Variants in COL9A1 observed in about 807,000 individuals in gnomAD.
The protein encoded by COL9A1 is collagen alpha-1(IX) chain.
In COL9A1, 104 loss-of-function variants were observed where a neutral mutation model predicts 142.6. That is an observed-to-expected ratio of 0.73 (90% CI 0.62 to 0.86). The LOEUF is 0.86. Ranked by LOEUF, COL9A1 falls within the 40% of genes least tolerant of loss-of-function variation. The pLI, the probability that COL9A1 is intolerant of heterozygous loss-of-function variation, is 0.00. For missense variants in COL9A1, 1,210 were observed against 1,176.6 expected, an observed-to-expected ratio of 1.03 and a Z score of -0.42; for synonymous variants, 466 against 396.0, an observed-to-expected ratio of 1.18 and a Z score of -2.10.
chr6:70,232,457 A>G, intron 36 of COL9A1, 126 bp downstream of exon 36: 1 of 1,104,014 alleles, frequency 9.1e-7, no homozygotes, highest in Non-Finnish European at 1.4e-6. Context: ...TATTGAAAAG[A>G]GAATAATACA....
intron 5 of COL9A1, 44 bp downstream of exon 5, chr6:70,294,123 C>G: frequency 6.2e-7 from 1 of 1,610,258 alleles, no homozygotes; most frequent in South Asian, 1.1e-5. Flanking sequence ...TTTTACCAAT[C>G]TAGTTTTGCT....
At chr6:70,261,910 T>C (rs1297580918) in intron 19 of COL9A1, among the ~76,000 whole-genome samples, 1 of 152,180 alleles carries the variant, frequency 6.6e-6, no homozygotes, top group Non-Finnish European at 1.5e-5. Flanking sequence ...TACTTTATAT[T>C]TGTGCATGTA....
intron 20 of COL9A1, among the ~76,000 whole-genome samples, chr6:70,259,286 C>T (rs539330447): frequency 1.5e-4 from 23 of 152,192 alleles, no homozygotes; most frequent in African/African-American, 4.1e-4. Context: ...TAATAAAAGG[C>T]TCTGTGCTGC....
At chr6:70,263,391 T>A in intron 18 of COL9A1, 94 bp from the exon 19 acceptor site, 2 of 1,052,422 alleles carry the variant, frequency 1.9e-6, no homozygotes, top group Admixed American at 2.4e-5. Flanking sequence ...ATGTTTTAAG[T>A]TAACTTGGTG....
intron 6 of COL9A1, chr6:70,283,187 C>A (rs1773283672): frequency 1.3e-5 from 19 of 1,484,370 alleles, no homozygotes; most frequent in South Asian, 1.2e-4. Context: ...GTTGCCAAAG[C>A]GTCCAGGCCC....
At chr6:70,237,105 G>C (rs1042252086) in intron 33 of COL9A1, among the ~76,000 whole-genome samples, 1 of 152,190 alleles carries the variant, frequency 6.6e-6, no homozygotes, top group Non-Finnish European at 1.5e-5. Context: ...TTACAGGCAT[G>C]AGCCACCTTG....
At chr6:70,285,975 A>C (rs923653406) in intron 5 of COL9A1, among the ~76,000 whole-genome samples, 1 of 151,882 alleles carries the variant, frequency 6.6e-6, no homozygotes, top group Non-Finnish European at 1.5e-5. Flanking sequence ...TGCAGCCTCC[A>C]CCTCCTGGGT....
chr6:70,269,374 G>A (rs1772246627), intron 16 of COL9A1, among the ~76,000 whole-genome samples: 1 of 152,130 alleles, frequency 6.6e-6, no homozygotes, highest in African/African-American at 2.4e-5. Flanking sequence ...TTAAAACCTG[G>A]ATGCTCTAGT....
chr6:70,275,688 A>G (rs1441099205), intron 10 of COL9A1, among the ~76,000 whole-genome samples: 1 of 152,098 alleles, frequency 6.6e-6, no homozygotes, highest in African/African-American at 2.4e-5. Context: ...GCTCTTTGAC[A>G]CTTTCAGATG....
intron 24 of COL9A1, 30 bp downstream of exon 24, chr6:70,254,933 C>G (rs1289824694): frequency 6.2e-7 from 1 of 1,609,496 alleles, no homozygotes. Flanking sequence ...GACAGCCCCA[C>G]TCACTCTTGG....
At chr6:70,251,102 T>C (rs1442140923) in intron 28 of COL9A1, among the ~76,000 whole-genome samples, 1 of 152,200 alleles carries the variant, frequency 6.6e-6, no homozygotes, top group Non-Finnish European at 1.5e-5. Context: ...ACCCAATGCA[T>C]GGATCAATAA....
intron 25 of COL9A1, 35 bp from the exon 26 acceptor site, chr6:70,253,464 C>A (rs776142322): frequency 6.6e-7 from 1 of 1,504,522 alleles, no homozygotes; most frequent in South Asian, 1.1e-5. Context: ...AGTTTAATCA[C>A]CTCCTCTGAG....
At chr6:70,289,544 T>G (rs1209452214) in intron 5 of COL9A1, among the ~76,000 whole-genome samples, 1 of 152,150 alleles carries the variant, frequency 6.6e-6, no homozygotes, top group Non-Finnish European at 1.5e-5. Context: ...CTGAGTTTCA[T>G]CTCCAAAATA....
intron 7 of COL9A1, among the ~76,000 whole-genome samples, chr6:70,282,179 G>T (rs73745360): frequency 0.012 from 1,872 of 152,280 alleles, 32 homozygotes; most frequent in African/African-American, 0.043. Flanking sequence ...TAAACGTGTT[G>T]CTTAGGGAAT....
chr6:70,296,279 G>T (rs1562332505), intron 4 of COL9A1, among the ~76,000 whole-genome samples: 1 of 151,998 alleles, frequency 6.6e-6, no homozygotes, highest in Non-Finnish European at 1.5e-5. Context: ...TGACTGGTTT[G>T]TATTTAGGGT....
At chr6:70,266,607 A>G (rs1402888672) in intron 18 of COL9A1, 110 bp downstream of exon 18, 1 of 882,460 alleles carries the variant, frequency 1.1e-6, no homozygotes, top group Admixed American at 1.7e-5. Flanking sequence ...TTTAAAAAAG[A>G]ATGGTAAAAT....
intron 5 of COL9A1, among the ~76,000 whole-genome samples, chr6:70,287,124 C>T (rs1326547252): frequency 1.3e-5 from 2 of 151,952 alleles, no homozygotes; most frequent in African/African-American, 4.8e-5. Context: ...ATGGGTGGGG[C>T]CCTGAAGCCC....
chr6:70,255,390 C>T lies in COL9A1; in HGVS notation c.1504G>A (p.Gly502Ser). The part of the protein sequence containing the change: ...PGPQGLPGAP[G>S]DQGQRGPPGE... ...GGAGGTCCTCGCTGTCCTTGATCAC[C>T]CTGTATGAAAATAAAATTTTGTTAA... Residue 502 changes from glycine (G) to serine (S), a missense_variant and splice_region_variant, in exon 22 of 38, where the codon GGT (glycine) becomes AGT (serine). By Grantham distance (56) the Gly-to-Ser change is moderately conservative. Transcript: ENST00000357250. The T allele has an allele frequency of 6.2e-7, 1 of 1,613,914 alleles. No individual in the cohort carries two copies. The highest frequency in any genetic ancestry group is 8.5e-7 in the Non-Finnish European group (1 of 1,179,856).
In COL9A1 at chr6:70,269,420, T is replaced by C. The variant is rs572603809; in HGVS notation, c.1230+213A>G. ...TCTTAGTCATAAAGTAAAAAGATCA[T>C]AAAAGAACAAAGATACATCTATAAT... On this transcript the variant is annotated intron_variant, in intron 16 of 37. Coordinates refer to ENST00000357250, the MANE Select transcript of COL9A1 (RefSeq NM_001851.6). Among the ~76,000 whole-genome samples the C allele has an allele frequency of 3.1e-4, 47 of 152,290 alleles. 1 individual carries two copies. The highest frequency in any genetic ancestry group is 8.3e-4 in the South Asian group (4 of 4,830).
Sources: gnomAD v4.1 joint callset for allele counts (sites outside exome capture counted in the v4.1 genomes callset) on GRCh38, gnomAD v4.1.1 for gene constraint, MANE v1.5 for transcripts, NCBI Gene and HGNC (gene_info 2026-07-23, HGNC 2026-07-21) for gene names.